The following ASTN2 variants were observed in gnomAD, a reference collection of about 807,000 sequenced individuals.
ASTN2 encodes the protein astrotactin 2, also known as astrotactin-2.
A neutral mutation model predicts 139.8 loss-of-function variants in ASTN2; 54 were observed. The observed-to-expected ratio is 0.39, with a 90% CI of 0.31 to 0.48. ASTN2 has a LOEUF of 0.48. ASTN2 is among the 20% of genes least tolerant of loss of function. The pLI, the probability that ASTN2 is intolerant of heterozygous loss-of-function variation, is 0.95. For synonymous variants in ASTN2, 756 were observed against 719.5 expected (o/e 1.05, Z -0.81); for missense variants, 1,565 against 1,725.1 (o/e 0.91, Z 1.64).
intron 17 of ASTN2, among the ~76,000 whole-genome samples, chr9:116,640,421 T>C (rs1284376493): frequency 6.6e-6 from 1 of 152,042 alleles, no homozygotes; most frequent in Non-Finnish European, 1.5e-5. Flanking sequence ...CCCAAGAAAG[T>C]AAGTGAAAAA....
At chr9:117,253,975 G>C (rs989188778) in intron 2 of ASTN2, among the ~76,000 whole-genome samples, 3 of 152,158 alleles carry the variant, frequency 2.0e-5, no homozygotes, top group Non-Finnish European at 4.4e-5. Flanking sequence ...TCACAGGCCT[G>C]CCTACCTCCC....
chr9:116,569,876 T>C (rs1165606022), intron 19 of ASTN2, among the ~76,000 whole-genome samples: 3 of 152,340 alleles, frequency 2.0e-5, no homozygotes, highest in Middle Eastern at 3.4e-3. Context: ...AGCAAGTTCA[T>C]AGCCCAAGGT....
intron 2 of ASTN2, among the ~76,000 whole-genome samples, chr9:117,283,984 AC>A (rs1481302354): frequency 1.3e-5 from 2 of 152,132 alleles, no homozygotes; most frequent in Non-Finnish European, 2.9e-5. Flanking sequence ...AACCACAGTT[AC>A]TTTTGCACCA....
At position 117,280,531 on chromosome 9, in the gene ASTN2, C is replaced by T. The variant is rs370629912; in HGVS notation, c.630+10795G>A. The stretch of plus-strand genomic sequence containing the variant: ...GACACAGGAGAATGTAGTATGGAGG[C>T]GGACGTAGAAATTAGCGTTCAATAG... On this transcript the variant is annotated intron_variant, in intron 2 of 22. Coordinates refer to ENST00000313400, the MANE Select transcript of ASTN2 (RefSeq NM_001365068.1). Among the ~76,000 whole-genome samples the T allele has an allele frequency of 3.3e-5, 5 of 152,128 alleles. No individual in the cohort carries two copies. The East Asian group carries it at 7.7e-4, about 24-fold the overall frequency.
chr9:117,082,965 T>C (rs1301045306), intron 5 of ASTN2, among the ~76,000 whole-genome samples: 1 of 152,202 alleles, frequency 6.6e-6, no homozygotes, highest in Non-Finnish European at 1.5e-5. Flanking sequence ...TTCTTAAAGG[T>C]ATAGTTCATG....
At chr9:116,790,222 G>A (rs1415900960) in intron 13 of ASTN2, among the ~76,000 whole-genome samples, 2 of 152,056 alleles carry the variant, frequency 1.3e-5, no homozygotes, top group South Asian at 2.1e-4. Flanking sequence ...CCCCACACCC[G>A]GCCTACCCTT....
chr9:116,559,550 T>C (rs12347637), intron 19 of ASTN2, among the ~76,000 whole-genome samples: 2,288 of 152,338 alleles, frequency 0.015, 60 homozygotes, highest in African/African-American at 0.051. Context: ...GGAAGTATGA[T>C]GATGGGGATG....
intron 19 of ASTN2, among the ~76,000 whole-genome samples, chr9:116,516,620 C>A (rs1054544262): frequency 6.6e-6 from 1 of 152,184 alleles, no homozygotes; most frequent in Non-Finnish European, 1.5e-5. Flanking sequence ...AATCCACAGA[C>A]CCTTTGAAGG....
chr9:116,766,362 T>A (rs1334556627), intron 13 of ASTN2, among the ~76,000 whole-genome samples: 2 of 151,626 alleles, frequency 1.3e-5, no homozygotes, highest in African/African-American at 4.9e-5. Flanking sequence ...TGCACACATA[T>A]ACAGGCATAC....
At chr9:117,353,263 A>G (rs1016963157) in intron 1 of ASTN2, among the ~76,000 whole-genome samples, 8 of 152,124 alleles carry the variant, frequency 5.3e-5, no homozygotes, top group Non-Finnish European at 1.2e-4. Flanking sequence ...TCCAAAATCC[A>G]GAGTCTTTCT....
chr9:116,865,178 T>C (rs1293503093), intron 10 of ASTN2, among the ~76,000 whole-genome samples: 1 of 151,812 alleles, frequency 6.6e-6, no homozygotes, highest in African/African-American at 2.4e-5. Context: ...CATCTAAAGA[T>C]GGTGAGGAAG....
chr9:116,863,885 G>A (rs1483441681), intron 10 of ASTN2, 152 bp from the exon 11 acceptor site: 2 of 872,312 alleles, frequency 2.3e-6, no homozygotes, highest in East Asian at 5.5e-5. Flanking sequence ...ACAACAACAG[G>A]TATACCATCA....
intron 1 of ASTN2, among the ~76,000 whole-genome samples, chr9:117,333,005 T>G (rs1310723955): frequency 6.6e-6 from 1 of 152,138 alleles, no homozygotes; most frequent in East Asian, 1.9e-4. Flanking sequence ...GAGTTGATAG[T>G]TAGATTATGG....
intron 19 of ASTN2, among the ~76,000 whole-genome samples, chr9:116,502,786 GA>G: frequency 6.8e-6 from 1 of 147,692 alleles, no homozygotes; most frequent in African/African-American, 2.5e-5. Flanking sequence ...AAGATGGAAG[GA>G]AAGAAAAAAG....
intron 19 of ASTN2, among the ~76,000 whole-genome samples, chr9:116,614,866 G>C (rs1855756401): frequency 6.6e-6 from 1 of 152,160 alleles, no homozygotes; most frequent in Non-Finnish European, 1.5e-5. Context: ...AGCCAAAATT[G>C]ACAAATGGGA....
At chr9:116,955,548 T>C (rs1331739501) in intron 10 of ASTN2, among the ~76,000 whole-genome samples, 2 of 152,222 alleles carry the variant, frequency 1.3e-5, no homozygotes, top group Non-Finnish European at 2.9e-5. Flanking sequence ...TCAGTTATTA[T>C]AGTAAACCTT....
At chr9:116,869,253 C>T (rs977797521) in intron 10 of ASTN2, among the ~76,000 whole-genome samples, 1 of 152,070 alleles carries the variant, frequency 6.6e-6, no homozygotes, top group South Asian at 2.1e-4. Flanking sequence ...TCTGTTATAA[C>T]CTTTTCTTAG....
At chr9:117,120,586 T>G (rs1372687837) in intron 4 of ASTN2, among the ~76,000 whole-genome samples, 3 of 151,962 alleles carry the variant, frequency 2.0e-5, no homozygotes, top group Admixed American at 6.6e-5. Flanking sequence ...CAGAATGGAG[T>G]CACAACCTAG....
chr9:116,905,878 C>T (rs997974397), intron 10 of ASTN2, among the ~76,000 whole-genome samples: 5 of 29,212 alleles, frequency 1.7e-4, no homozygotes, highest in East Asian at 9.9e-4. Flanking sequence ...GGGGGGGGTG[C>T]GGGGGGTGTG....
Sources: gnomAD v4.1 joint callset for allele counts (sites outside exome capture counted in the v4.1 genomes callset) on GRCh38, gnomAD v4.1.1 for gene constraint, MANE v1.5 for transcripts, NCBI Gene and HGNC (gene_info 2026-07-23, HGNC 2026-07-21) for gene names.